NHS: variants seen among roughly 807,000 people sequenced by gnomAD.
NHS encodes the protein NHS actin remodeling regulator, also known as actin remodeling regulator NHS.
NHS carries 5 observed loss-of-function variants against 72.5 expected under a neutral mutation model. The ratio of observed to expected loss-of-function variants is 0.07; its 90% CI spans 0.04 to 0.14. The LOEUF is 0.14. Among genes scored for constraint, NHS ranks in the 10% least tolerant of loss-of-function variants. NHS has a pLI of 1.00. For missense variants in NHS, 1,072 were observed against 1,355.7 expected, an observed-to-expected ratio of 0.79 and a Z score of 3.29; for synonymous variants, 464 against 547.7, an observed-to-expected ratio of 0.85 and a Z score of 2.13.
intron 1 of NHS, among the ~76,000 whole-genome samples, chrX:17,558,237 T>C (rs952359855): frequency 5.3e-5 from 6 of 112,169 alleles, no homozygotes; most frequent in African/African-American, 1.9e-4. Flanking sequence ...TAATCCTCAG[T>C]GGCAGCAGCC....
intron 1 of NHS, among the ~76,000 whole-genome samples, chrX:17,457,199 A>T (rs1285420409): frequency 8.9e-6 from 1 of 112,167 alleles, no homozygotes; most frequent in Non-Finnish European, 1.9e-5. Flanking sequence ...AGATGAGGAA[A>T]CAGAAGAACA....
chrX:17,678,294 G>A (rs2066098427), intron 1 of NHS, among the ~76,000 whole-genome samples: 1 of 92,684 alleles, frequency 1.1e-5, no homozygotes, highest in Admixed American at 1.1e-4. Context: ...GTGTGTGTGT[G>A]AGAGAGAGAG....
Position 17,726,990 on chromosome X carries a change from T to A in NHS, c.2884T>A (p.Ser962Thr). The change falls in exon 7 of 9, where the codon TCT becomes ACT. Residue 962 changes from serine (S) to threonine (T), a missense_variant. Physicochemically the swap from Ser to Thr is moderately conservative, Grantham distance 58. Transcript: ENST00000676302. ...CTTGAAAACAAATGATCCTTATAGA[T>A]CTCTATCTAATTCAAGCACCGCTAC... ...NDLKTNDPYR[S>T]LSNSSTATGT... 8.3e-7 allele frequency: 1 copy of A among 1,211,332 alleles called. No individual in the cohort carries two copies. Among genetic ancestry groups the A allele is most frequent in the Non-Finnish European group, 1.1e-6 (1 of 895,387 alleles).
intron 5 of NHS, among the ~76,000 whole-genome samples, chrX:17,722,455 A>T (rs2066412140): frequency 8.9e-6 from 1 of 112,121 alleles, no homozygotes; most frequent in African/African-American, 3.2e-5. Flanking sequence ...ACTGATTTTC[A>T]TATTGGTACC....
chrX:17,584,170 A>G (rs2065560447), intron 1 of NHS, among the ~76,000 whole-genome samples: 1 of 111,948 alleles, frequency 8.9e-6, no homozygotes, highest in African/African-American at 3.3e-5. Context: ...TGATTTGAAA[A>G]TTAGAGACTC....
At chrX:17,555,439 C>T (rs893985673) in intron 1 of NHS, among the ~76,000 whole-genome samples, 4 of 110,200 alleles carry the variant, frequency 3.6e-5, no homozygotes, top group Non-Finnish European at 7.6e-5. Context: ...GCCCTACTCT[C>T]AGGGATTCAG....
chrX:17,423,010 G>A (rs1250980298), intron 1 of NHS, among the ~76,000 whole-genome samples: 1 of 112,047 alleles, frequency 8.9e-6, no homozygotes, highest in Non-Finnish European at 1.9e-5. Flanking sequence ...ATTTTTAGAC[G>A]TTTTGAAAAA....
intron 1 of NHS, among the ~76,000 whole-genome samples, chrX:17,403,685 T>C (rs756330287): frequency 8.9e-6 from 1 of 112,504 alleles, no homozygotes; most frequent in South Asian, 3.8e-4. Flanking sequence ...TGCTATTTCT[T>C]TGCACTTGGA....
intron 1 of NHS, among the ~76,000 whole-genome samples, chrX:17,634,433 C>T (rs1371469666): frequency 8.9e-6 from 1 of 111,997 alleles, no homozygotes; most frequent in Non-Finnish European, 1.9e-5. Flanking sequence ...TCGTCTCCCA[C>T]TCTTCATTAG....
intron 1 of NHS, among the ~76,000 whole-genome samples, chrX:17,385,953 G>A (rs998935399): frequency 8.9e-6 from 1 of 111,845 alleles, no homozygotes; most frequent in Non-Finnish European, 1.9e-5. Flanking sequence ...CTCACCCAGA[G>A]TGGGAATCTT....
intron 1 of NHS, among the ~76,000 whole-genome samples, chrX:17,440,245 C>G (rs1016695265): frequency 5.5e-5 from 4 of 73,056 alleles, no homozygotes; most frequent in Non-Finnish European, 9.5e-5. Flanking sequence ...GGCAACCAAG[C>G]AAGACTCAGT....
At chrX:17,579,488 C>CT (rs1364539608) in intron 1 of NHS, among the ~76,000 whole-genome samples, 2 of 111,151 alleles carry the variant, frequency 1.8e-5, no homozygotes, top group Admixed American at 9.6e-5. Context: ...TCTCCCTCTC[C>CT]TTTTTATCCC....
intron 1 of NHS, among the ~76,000 whole-genome samples, chrX:17,642,508 T>G (rs1230949466): frequency 1.8e-5 from 2 of 112,025 alleles, no homozygotes; most frequent in Non-Finnish European, 3.8e-5. Flanking sequence ...CCCCTTTTTC[T>G]CTGATCTTAT....
chrX:17,726,031 C>A lies in NHS; in HGVS notation c.1925C>A (p.Pro642His), dbSNP rs1420692317. Reference protein sequence around the residue: ...GNWSGSSSTCPSQTSETIPPA... With the variant: ...GNWSGSSSTCHSQTSETIPPA... ...TGGAGTGGGAGCAGCTCCACGTGCC[C>A]CTCGCAGACCTCAGAAACCATCCCT... is the stretch of plus-strand genomic sequence containing the variant. Residue 642 changes from proline (P) to histidine (H), a missense_variant, in exon 7 of 9, where the codon CCC (proline) becomes CAC (histidine). Physicochemically the swap from Pro to His is moderately conservative, Grantham distance 77. Transcript: ENST00000676302. The A allele has an allele frequency of 1.6e-5, 19 of 1,209,508 alleles. No homozygotes were observed. Among genetic ancestry groups the A allele is most frequent in the Non-Finnish European group, 2.1e-5 (19 of 895,064 alleles).
intron 1 of NHS, among the ~76,000 whole-genome samples, chrX:17,419,055 TTATCTTAGTGTCTTTATAGTTTA>T (rs2064610389): frequency 4.4e-5 from 5 of 112,750 alleles, no homozygotes; most frequent in African/African-American, 1.6e-4. Context: ...TGTCGCAGTT[TTATCTTAGTGTCTTTATAGTTTA>T]ACATATATCC....
At chrX:17,556,515 C>T (rs1303034767) in intron 1 of NHS, among the ~76,000 whole-genome samples, 1 of 113,010 alleles carries the variant, frequency 8.8e-6, no homozygotes, top group Non-Finnish European at 1.9e-5. Flanking sequence ...GGGTACTCAC[C>T]ATGTACCTGG....
intron 1 of NHS, among the ~76,000 whole-genome samples, chrX:17,601,432 A>G: frequency 8.9e-6 from 1 of 111,991 alleles, no homozygotes; most frequent in East Asian, 2.8e-4. Context: ...TTTGTTCTCA[A>G]AGTAAGGAAT....
chrX:17,461,075 G>A (rs1442490760), intron 1 of NHS, among the ~76,000 whole-genome samples: 1 of 112,356 alleles, frequency 8.9e-6, no homozygotes, highest in Non-Finnish European at 1.9e-5. Flanking sequence ...GCTAGGTACT[G>A]TGATGGACTG....
At chrX:17,399,966 TTAAC>T (rs2064495431) in intron 1 of NHS, among the ~76,000 whole-genome samples, 1 of 112,037 alleles carries the variant, frequency 8.9e-6, no homozygotes, top group Non-Finnish European at 1.9e-5. Flanking sequence ...GACATCATAC[TTAAC>T]AGTGAAAGAT....
Sources: allele counts gnomAD v4.1 joint callset (sites outside exome capture counted in the v4.1 genomes callset), GRCh38; gene constraint gnomAD v4.1.1; transcripts MANE v1.5; gene names NCBI Gene and HGNC (gene_info 2026-07-23, HGNC 2026-07-21).